The following DPH6 variants were observed in gnomAD, a reference collection of about 807,000 sequenced individuals.
The protein encoded by DPH6 is diphthine--ammonia ligase.
A neutral mutation model predicts 38.2 loss-of-function variants in DPH6; 33 were observed. The ratio of observed to expected loss-of-function variants is 0.86; its 90% confidence interval spans 0.65 to 1.15. DPH6 has a LOEUF of 1.15. Ranked by LOEUF, DPH6 falls within the 50% of genes most tolerant of loss-of-function variation. The pLI, the probability that DPH6 is intolerant of heterozygous loss-of-function variation, is 0.00. For synonymous variants in DPH6, 108 were observed against 103.0 expected (o/e 1.05, Z -0.30); for missense variants, 325 against 320.0 (o/e 1.02, Z -0.12).
intron 3 of DPH6, chr15:35,282,925 T>A: frequency 2.9e-6 from 1 of 343,218 alleles, no homozygotes; most frequent in Non-Finnish European, 6.0e-6. Flanking sequence ...ACATCAACAA[T>A]ACTTGGGTTT....
At chr15:35,476,652 T>C (rs915707292) in intron 3 of DPH6, among the ~76,000 whole-genome samples, 3 of 151,790 alleles carry the variant, frequency 2.0e-5, no homozygotes, top group Admixed American at 6.6e-5. Flanking sequence ...AACTTCATGA[T>C]TACAAACTCA....
chr15:35,400,907 A>G (rs2140976757), intron 6 of DPH6: 3 of 1,008,238 alleles, frequency 3.0e-6, no homozygotes, highest in Admixed American at 3.4e-5. Flanking sequence ...GCAGCCATGA[A>G]TGCAAGGCCA....
chr15:35,181,162 C>T, the DPH6 span, among the ~76,000 whole-genome samples: 1 of 151,978 alleles, frequency 6.6e-6, no homozygotes, highest in Non-Finnish European at 1.5e-5. Flanking sequence ...GACTATTTCC[C>T]ATCTCAGAGT....
intron 7 of DPH6, among the ~76,000 whole-genome samples, chr15:35,376,547 T>G (rs1272950585): frequency 6.6e-6 from 1 of 152,142 alleles, no homozygotes; most frequent in Non-Finnish European, 1.5e-5. Context: ...TGTACAGTGC[T>G]TTTAAAGTCT....
intron 3 of DPH6, among the ~76,000 whole-genome samples, chr15:35,359,663 T>C (rs1277025696): frequency 6.6e-6 from 1 of 152,194 alleles, no homozygotes; most frequent in Non-Finnish European, 1.5e-5. Flanking sequence ...GGTGCATGTT[T>C]GGGAGAGAAA....
chr15:35,456,945 T>G (rs1335515746), intron 3 of DPH6, among the ~76,000 whole-genome samples: 1 of 152,148 alleles, frequency 6.6e-6, no homozygotes, highest in Non-Finnish European at 1.5e-5. Flanking sequence ...TATTTCATTT[T>G]ATTTCATGTA....
chr15:35,503,219 T>C (rs1420899223), intron 3 of DPH6, among the ~76,000 whole-genome samples: 1 of 151,978 alleles, frequency 6.6e-6, no homozygotes, highest in Non-Finnish European at 1.5e-5. Flanking sequence ...CATACCTTTG[T>C]TATAAGTAAA....
rs540631202 is a variant in DPH6, at chr15:35,487,368, C to T, written c.313-32548G>A. Among the ~76,000 whole-genome samples the T allele has an allele frequency of 5.9e-5, 9 of 152,370 alleles. No homozygotes were observed. The East Asian group carries it at 1.4e-3, about 23-fold the overall frequency. ...CTGCAGCAGACTTCTGCCTGGACAT[C>T]GAGGCATTTCCATACATCCTTTGAA... On this transcript the variant is annotated intron_variant, in intron 3 of 8. Coordinates refer to ENST00000256538, the MANE Select transcript of DPH6 (RefSeq NM_080650.4).
intron 5 of DPH6, among the ~76,000 whole-genome samples, chr15:35,417,267 T>C (rs914965944): frequency 1.3e-5 from 2 of 152,044 alleles, no homozygotes; most frequent in African/African-American, 4.8e-5. Flanking sequence ...AACAAAGATC[T>C]GAAAAAACAG....
At position 35,482,851 on chromosome 15, in the gene DPH6, A is replaced by T. The variant is rs140805244; in HGVS notation, c.313-28031T>A. ...ACAAATTAGACTTCATCAAAATTTT[A>T]AAATTTTGTGCTTTAAAAAACATCA... On this transcript the variant is annotated intron_variant, in intron 3 of 8. Coordinates refer to ENST00000256538, the MANE Select transcript of DPH6 (RefSeq NM_080650.4). Among the ~76,000 whole-genome samples the T allele has an allele frequency of 6.5e-3, 995 of 152,268 alleles. 18 individuals are homozygous for T. The highest frequency in any genetic ancestry group is 0.023 in the African/African-American group (958 of 41,578).
intron 5 of DPH6, among the ~76,000 whole-genome samples, chr15:35,449,409 T>C (rs1039618929): frequency 2.0e-5 from 3 of 152,058 alleles, no homozygotes. Context: ...GGCAATAAGG[T>C]CAAATTCTTT....
downstream of DPH6, among the ~76,000 whole-genome samples, chr15:35,368,837 C>G (rs190520728): frequency 1.7e-3 from 260 of 151,534 alleles, no homozygotes; most frequent in Non-Finnish European, 2.8e-3. Flanking sequence ...GTGCAGCAGC[C>G]AGTCAGAAAT....
chr15:35,160,487 G>T, the DPH6 span, among the ~76,000 whole-genome samples: 1 of 151,772 alleles, frequency 6.6e-6, no homozygotes, highest in East Asian at 1.9e-4. Flanking sequence ...TTGTGGGTTT[G>T]TTACATGGGT....
At chr15:35,315,830 T>C (rs780686293) in intron 3 of DPH6, among the ~76,000 whole-genome samples, 7 of 152,154 alleles carry the variant, frequency 4.6e-5, no homozygotes, top group African/African-American at 1.7e-4. Context: ...AAATGTGGTA[T>C]AGATACACAA....
intron 3 of DPH6, among the ~76,000 whole-genome samples, chr15:35,523,562 T>C (rs1026272616): frequency 2.6e-5 from 4 of 152,178 alleles, no homozygotes; most frequent in Middle Eastern, 3.4e-3. Context: ...ATTGCAAATA[T>C]ATCTCTGAAG....
the DPH6 span, among the ~76,000 whole-genome samples, chr15:35,188,584 C>T: frequency 1.3e-5 from 2 of 152,188 alleles, no homozygotes; most frequent in Non-Finnish European, 2.9e-5. Flanking sequence ...TAAACTTTCA[C>T]TCATGCTCTA....
chr15:35,362,675 C>T (rs1272026117), intron 3 of DPH6, among the ~76,000 whole-genome samples: 1 of 152,156 alleles, frequency 6.6e-6, no homozygotes, highest in Non-Finnish European at 1.5e-5. Flanking sequence ...TGGAATGTAC[C>T]TTTAACATTC....
At chr15:35,545,509 T>G (rs1299028109) in intron 1 of DPH6, among the ~76,000 whole-genome samples, 1 of 152,168 alleles carries the variant, frequency 6.6e-6, no homozygotes, top group East Asian at 1.9e-4. Flanking sequence ...CGAAGAGAGA[T>G]CTCTGTACTT....
chr15:35,233,534 T>C (rs1012995891), intron 3 of DPH6, among the ~76,000 whole-genome samples: 6 of 152,142 alleles, frequency 3.9e-5, no homozygotes, highest in Non-Finnish European at 5.9e-5. Flanking sequence ...GCAAAAGGAA[T>C]CATTAAGACT....
Sources: allele counts gnomAD v4.1 joint callset (sites outside exome capture counted in the v4.1 genomes callset), GRCh38; gene constraint gnomAD v4.1.1; transcripts MANE v1.5; gene names NCBI Gene and HGNC (gene_info 2026-07-23, HGNC 2026-07-21).